NOVA1: variants seen among roughly 807,000 people sequenced by gnomAD.
NOVA1 encodes NOVA alternative splicing regulator 1.
NOVA1 carries 7 observed loss-of-function variants against 38.0 expected under a neutral mutation model. The observed-to-expected ratio is 0.18, with a 90% CI of 0.10 to 0.35. The LOEUF (loss-of-function observed/expected upper bound fraction) is 0.35, where lower values mean the gene tolerates loss of function less well. Among genes scored for constraint, NOVA1 ranks in the 10% least tolerant of loss-of-function variants. NOVA1 has a pLI of 1.00. For synonymous variants in NOVA1, 270 were observed against 232.5 expected (o/e 1.16, Z -1.47); for missense variants, 460 against 616.0 (o/e 0.75, Z 2.68).
In NOVA1 at chr14:26,445,719, T is replaced by C. The variant is rs1336483261; in HGVS notation, c.*2240A>G. 1 of 152,328 alleles carries C rather than the reference T, an allele frequency of 6.6e-6. No homozygotes were observed. Among genetic ancestry groups the C allele is most frequent in the African/African-American group, 2.4e-5 (1 of 41,440 alleles). The allele number at this position is 152,328 out of a possible 1,614,324, so 9.4% of individuals were successfully genotyped here. A position where few individuals can be genotyped will look rare whatever the true frequency, so the allele number is the denominator to read the frequency against. ...CTAGTACACATCCTAGATCACTTCC[T>C]TTCCCTTTTTCAAACTAAGTGGGGC... On this transcript the variant is annotated 3_prime_UTR_variant, in exon 5 of 5. Transcript: ENST00000539517.
intron 2 of NOVA1, among the ~76,000 whole-genome samples, chr14:26,509,726 G>C (rs1887912223): frequency 6.6e-6 from 1 of 152,108 alleles, no homozygotes; most frequent in Non-Finnish European, 1.5e-5. Flanking sequence ...TATTACCTAG[G>C]CTGGAGTGCA....
At chr14:26,555,391 ACATTG>A (rs1213878001) in intron 2 of NOVA1, among the ~76,000 whole-genome samples, 1 of 152,148 alleles carries the variant, frequency 6.6e-6, no homozygotes, top group African/African-American at 2.4e-5. Context: ...GAATCCTATT[ACATTG>A]ATGTTTATAA....
intron 2 of NOVA1, among the ~76,000 whole-genome samples, chr14:26,559,342 T>C (rs1446057146): frequency 6.6e-6 from 1 of 152,144 alleles, no homozygotes; most frequent in Non-Finnish European, 1.5e-5. Context: ...ATTTATTGAA[T>C]ACTGGTTAGT....
intron 2 of NOVA1, among the ~76,000 whole-genome samples, chr14:26,554,076 G>GA (rs1030775210): frequency 6.6e-6 from 1 of 151,230 alleles, no homozygotes; most frequent in East Asian, 2.0e-4. Context: ...TTCAACCTGG[G>GA]AGGCAGAGGC....
intron 2 of NOVA1, chr14:26,549,755 T>C: frequency 7.8e-7 from 1 of 1,288,830 alleles, no homozygotes; most frequent in Non-Finnish European, 1.0e-6. Flanking sequence ...CAGCACCATG[T>C]ACAATTTCTT....
At chr14:26,505,530 T>A (rs1389202198) in intron 2 of NOVA1, among the ~76,000 whole-genome samples, 3 of 152,176 alleles carry the variant, frequency 2.0e-5, no homozygotes, top group African/African-American at 7.2e-5. Flanking sequence ...ACCGATTTTT[T>A]AATAAATTAC....
chr14:26,575,503 T>C (rs1021558671), intron 2 of NOVA1, among the ~76,000 whole-genome samples: 2 of 152,152 alleles, frequency 1.3e-5, no homozygotes, highest in Non-Finnish European at 1.5e-5. Flanking sequence ...AGCTTTAATA[T>C]TGAGCCATAT....
intron 2 of NOVA1, among the ~76,000 whole-genome samples, chr14:26,511,318 A>C (rs1417879500): frequency 2.0e-5 from 3 of 152,204 alleles, no homozygotes; most frequent in African/African-American, 7.2e-5. Context: ...ATATACTAAC[A>C]TAGAGAAAAA....
At chr14:26,538,752 A>G (rs1291522852) in intron 2 of NOVA1, among the ~76,000 whole-genome samples, 4 of 152,120 alleles carry the variant, frequency 2.6e-5, no homozygotes, top group African/African-American at 9.7e-5. Flanking sequence ...TCAGTTCGTA[A>G]CATTCAACTA....
At chr14:26,479,786 A>G (rs1169803820) in intron 3 of NOVA1, 191 bp downstream of exon 3, 5 of 488,788 alleles carry the variant, frequency 1.0e-5, no homozygotes, top group African/African-American at 1.9e-5. Context: ...GAATAATTCA[A>G]TTGATCAATA....
intron 2 of NOVA1, among the ~76,000 whole-genome samples, chr14:26,494,138 T>A (rs900495515): frequency 4.6e-5 from 7 of 152,228 alleles, no homozygotes; most frequent in African/African-American, 1.7e-4. Context: ...TATCCTTCCC[T>A]GTCCCTCTAA....
intron 2 of NOVA1, among the ~76,000 whole-genome samples, chr14:26,568,717 C>T (rs1327032835): frequency 6.6e-6 from 1 of 152,056 alleles, no homozygotes; most frequent in African/African-American, 2.4e-5. Context: ...TTTTGATAAA[C>T]CAAGGTAATA....
At position 26,496,970 on chromosome 14, in the gene NOVA1, G is replaced by T. The variant is rs1246553323; in HGVS notation, c.281-16827C>A. ...TCTTTTGGCTTAGGATTGACTTGGC[G>T]ATGCGGGCTCTTTTTTGGTTCCAAA... is the stretch of plus-strand genomic sequence containing the variant. On this transcript the variant is annotated intron_variant, in intron 2 of 4. Coordinates refer to ENST00000539517, the MANE Select transcript of NOVA1 (RefSeq NM_002515.3). 3.3e-5 allele frequency among the ~76,000 whole-genome samples: 5 copies of T among 152,236 alleles called. No homozygotes were observed. The East Asian group carries it at 9.7e-4, about 29-fold the overall frequency.
At chr14:26,464,016 C>T (rs561522636) in intron 4 of NOVA1, among the ~76,000 whole-genome samples, 3 of 152,172 alleles carry the variant, frequency 2.0e-5, no homozygotes, top group East Asian at 1.9e-4. Context: ...TGAGAAAACA[C>T]GCATGGCAAA....
intron 2 of NOVA1, among the ~76,000 whole-genome samples, chr14:26,586,782 T>C (rs1307068284): frequency 6.6e-6 from 1 of 151,106 alleles, no homozygotes; most frequent in Non-Finnish European, 1.5e-5. Flanking sequence ...CAATATAACC[T>C]ATGATATCCT....
At chr14:26,504,523 T>C (rs2138421989) in intron 2 of NOVA1, among the ~76,000 whole-genome samples, 1 of 152,254 alleles carries the variant, frequency 6.6e-6, no homozygotes, top group Middle Eastern at 3.4e-3. Context: ...CATTCCTAAA[T>C]AAGAAAGATG....
chr14:26,518,014 T>C (rs575926052), intron 2 of NOVA1, among the ~76,000 whole-genome samples: 3 of 152,260 alleles, frequency 2.0e-5, no homozygotes, highest in South Asian at 2.1e-4. Flanking sequence ...CTACAGTTAA[T>C]TGGACTTCCA....
chr14:26,540,947 T>A (rs1890429574), intron 2 of NOVA1, among the ~76,000 whole-genome samples: 1 of 152,110 alleles, frequency 6.6e-6, no homozygotes, highest in African/African-American at 2.4e-5. Flanking sequence ...TTGTGGTAAG[T>A]AATGAGCTAG....
intron 1 of NOVA1, among the ~76,000 whole-genome samples, chr14:26,596,249 G>T (rs1894180705): frequency 6.6e-6 from 1 of 152,104 alleles, no homozygotes; most frequent in Non-Finnish European, 1.5e-5. Context: ...ACCTTAAGAA[G>T]AATTCTGCCA....
Sources: gnomAD v4.1 joint callset for allele counts (sites outside exome capture counted in the v4.1 genomes callset) on GRCh38, gnomAD v4.1.1 for gene constraint, MANE v1.5 for transcripts, NCBI Gene and HGNC (gene_info 2026-07-23, HGNC 2026-07-21) for gene names.